The following CDHR3 variants were observed in gnomAD, a reference collection of about 807,000 sequenced individuals.
CDHR3 encodes the protein cadherin-related family member 3.
A neutral mutation model predicts 86.6 loss-of-function variants in CDHR3; 79 were observed. The observed-to-expected ratio is 0.91, with a 90% CI of 0.76 to 1.10. The LOEUF (loss-of-function observed/expected upper bound fraction) is 1.10, where lower values mean the gene tolerates loss of function less well. Ranked by LOEUF, CDHR3 falls within the 50% of genes least tolerant of loss-of-function variation. The pLI is 0.00. For missense variants in CDHR3, 1,081 were observed against 1,077.6 expected, an observed-to-expected ratio of 1.00 and a Z score of -0.04; for synonymous variants, 421 against 402.4, an observed-to-expected ratio of 1.05 and a Z score of -0.55.
intron 2 of CDHR3, among the ~76,000 whole-genome samples, chr7:105,978,032 T>A (rs958058903): frequency 2.6e-5 from 4 of 152,172 alleles, no homozygotes; most frequent in Non-Finnish European, 5.9e-5. Context: ...GTACTGTTGC[T>A]TGCACACTGA....
chr7:105,983,177 T>C (rs1012247883), intron 3 of CDHR3, among the ~76,000 whole-genome samples: 1 of 152,164 alleles, frequency 6.6e-6, no homozygotes. Context: ...GAAACGGAAG[T>C]TGCATGAGAG....
At chr7:105,975,206 T>C (rs1305505886) in intron 2 of CDHR3, among the ~76,000 whole-genome samples, 160 bp downstream of exon 2, 1 of 152,192 alleles carries the variant, frequency 6.6e-6, no homozygotes, top group Non-Finnish European at 1.5e-5. Flanking sequence ...GGGCCTTCTG[T>C]GCTAAGATGC....
chr7:105,999,546 T>C (rs10265925), intron 6 of CDHR3, among the ~76,000 whole-genome samples: 1,975 of 152,270 alleles, frequency 0.013, 34 homozygotes, highest in African/African-American at 0.046. Context: ...CTGTCTCCCC[T>C]AGTTGTGAAA....
intron 16 of CDHR3, among the ~76,000 whole-genome samples, chr7:106,027,219 A>AC (rs1320471076): frequency 1.3e-5 from 2 of 151,542 alleles, no homozygotes; most frequent in Non-Finnish European, 2.9e-5. Flanking sequence ...GCATGGTGAA[A>AC]CCCCCGTCTC....
At chr7:106,011,814 G>A (rs1324580182) in intron 8 of CDHR3, among the ~76,000 whole-genome samples, 1 of 152,320 alleles carries the variant, frequency 6.6e-6, no homozygotes, top group East Asian at 1.9e-4. Flanking sequence ...CTCTGAGTTT[G>A]GGGGTAGCTT....
At position 105,996,267 on chromosome 7, in the gene CDHR3, A is replaced by G; in HGVS notation, c.626A>G (p.Glu209Gly). 6.3e-7 allele frequency: 1 copy of G among 1,587,454 alleles called. No homozygotes were observed. Among genetic ancestry groups the G allele is most frequent in the Non-Finnish European group, 8.6e-7 (1 of 1,157,702 alleles). ...AGHRSFHLIV[E>G]VRDSGGLKAS... is the part of the protein sequence containing the mutation. ...CCTGGCAGTTTCCATCTCATCGTGG[A>G]GGTGAGGGACAGTGGAGGCCTCAAA... The change falls in exon 6 of 19, where the codon GAG (glutamate) becomes GGG (glycine). Residue 209 changes from glutamate to glycine, a missense_variant. Glu to Gly is a moderately conservative substitution (Grantham distance 98, BLOSUM62 -2). Coordinates refer to ENST00000317716, the MANE Select transcript of CDHR3 (RefSeq NM_152750.5).
intron 6 of CDHR3, among the ~76,000 whole-genome samples, chr7:105,998,612 T>G (rs564421538): frequency 2.6e-4 from 39 of 152,228 alleles, no homozygotes; most frequent in African/African-American, 9.4e-4. Flanking sequence ...ACCAACATGG[T>G]GAAACCCTGT....
At chr7:106,028,920 CT>C (rs1554532656) in intron 17 of CDHR3, among the ~76,000 whole-genome samples, 2 of 60,700 alleles carry the variant, frequency 3.3e-5, no homozygotes, top group South Asian at 1.3e-3. Context: ...TTTAAATTTT[CT>C]TTCTTTCTTT....
intron 7 of CDHR3, among the ~76,000 whole-genome samples, chr7:106,003,471 T>C (rs1163221901): frequency 6.6e-6 from 1 of 152,192 alleles, no homozygotes; most frequent in Non-Finnish European, 1.5e-5. Context: ...GTACTCAAGA[T>C]AGCAACTCAA....
In CDHR3 at chr7:106,016,037, A is replaced by ATC. The variant is rs1310049649; in HGVS notation, c.1426+13_1426+14insCT. 6.4e-7 allele frequency: 1 copy of ATC among 1,567,658 alleles called. No homozygotes were observed. Among genetic ancestry groups the ATC allele is most frequent in the Admixed American group, 1.7e-5 (1 of 58,466 alleles). ...AGAAAGAAGGCCCGGTAAGTAACAGATAAGACACAGACCAGAGTGCTGTCA... is the reference window on the plus strand; with the variant it reads ...AGAAAGAAGGCCCGGTAAGTAACAGATCTAAGACACAGACCAGAGTGCTGTCA... On this transcript the variant is annotated intron_variant, in intron 11 of 18. Coordinates refer to ENST00000317716, the MANE Select transcript of CDHR3 (RefSeq NM_152750.5).
chr7:106,032,910 T>TG lies in CDHR3; in HGVS notation c.*213_*214insG. On this transcript the variant is annotated 3_prime_UTR_variant, in exon 19 of 19. Coordinates refer to ENST00000317716, the MANE Select transcript of CDHR3 (RefSeq NM_152750.5). ...TCTGAAATGATACAGGAACATTTTC[T>TG]ATCAGATTTCAGAACTACCTGTGCT... The TG allele has an allele frequency of 1.8e-6, 1 of 547,828 alleles. No homozygotes were observed. The highest frequency in any genetic ancestry group is 3.2e-6 in the Non-Finnish European group (1 of 311,600). 33.9% of individuals were successfully genotyped at this position (547,828 alleles called of 1,614,324 possible).
chr7:106,013,133 C>G, intron 9 of CDHR3, 102 bp downstream of exon 9: 1 of 1,058,282 alleles, frequency 9.4e-7, no homozygotes, highest in Non-Finnish European at 1.3e-6. Context: ...AGGTAACCCC[C>G]TCTCAGAGCG....
At position 106,024,369 on chromosome 7, in the gene CDHR3, C is replaced by T. The variant is rs1837035852; in HGVS notation, c.2077-12C>T. ...ACCCTCTACTCACCCTCCCTGCTCT[C>T]TGTTGTTCAAGCCCAGGGTCACCTA... On this transcript the variant is annotated splice_polypyrimidine_tract_variant and intron_variant, in intron 14 of 18. Coordinates refer to ENST00000317716, the MANE Select transcript of CDHR3 (RefSeq NM_152750.5). The T allele has an allele frequency of 1.9e-6, 3 of 1,613,270 alleles. No homozygotes were observed. The South Asian group carries it at 3.3e-5, about 18-fold the overall frequency.
Position 106,012,477 on chromosome 7 carries a change from A to G in CDHR3, c.1053-383A>G, listed in dbSNP as rs566225396. 1.8e-3 allele frequency among the ~76,000 whole-genome samples: 276 copies of G among 152,254 alleles called. 1 individual carries two copies. Among genetic ancestry groups the G allele is most frequent in the Non-Finnish European group, 3.5e-3 (241 of 68,012 alleles). On this transcript the variant is annotated intron_variant, in intron 8 of 18. Coordinates refer to ENST00000317716, the MANE Select transcript of CDHR3 (RefSeq NM_152750.5). The stretch of plus-strand genomic sequence containing the variant: ...CATGAAGAGCTCAGGGAGCACCAGA[A>G]GGCCAGAGTGGCAGGAGGAGAGTGA...
intron 8 of CDHR3, 31 bp downstream of exon 8, chr7:106,004,718 T>G: frequency 6.2e-7 from 1 of 1,609,390 alleles, no homozygotes; most frequent in Non-Finnish European, 8.5e-7. Context: ...GGGCTGGACA[T>G]TCTATCTCTT....
rs767624442 is a variant in CDHR3 at position 106,015,110 on chromosome 7, G to A, written c.1225-1G>A. On this transcript the variant is annotated splice_acceptor_variant, in intron 9 of 18. Coordinates refer to ENST00000317716, the MANE Select transcript of CDHR3 (RefSeq NM_152750.5). LOFTEE classifies it high-confidence loss of function. Reference sequence around the variant, plus strand: ...AATCTACTATCTCTGTTTTAATCTAGCTGATTGGTGATCTAGACTACGAAA... The same window carrying A: ...AATCTACTATCTCTGTTTTAATCTAACTGATTGGTGATCTAGACTACGAAA... The A allele has an allele frequency of 2.4e-5, 38 of 1,598,762 alleles. 1 individual carries two copies. Among genetic ancestry groups the A allele is most frequent in the Middle Eastern group, 1.6e-4 (1 of 6,070 alleles).
Position 106,012,895 on chromosome 7 carries a change from T to C in CDHR3, c.1088T>C (p.Leu363Ser). The C allele has an allele frequency of 6.2e-7, 1 of 1,612,168 alleles. No individual in the cohort carries two copies. The highest frequency in any genetic ancestry group is 1.3e-5 in the African/African-American group (1 of 74,940). ...CCGGAAAGAACAGCCAAGGGGACGT[T>C]GCTTCTTGACCTAAACAAGTTCTGC... is the stretch of plus-strand genomic sequence containing the variant. ...MVPERTAKGTLLLDLNKFCFD... is the reference protein window; with the variant it reads ...MVPERTAKGTSLLDLNKFCFD... The change falls in exon 9 of 19, where the codon TTG becomes TCG. Residue 363 changes from leucine to serine, a missense_variant. Coordinates refer to ENST00000317716, the MANE Select transcript of CDHR3 (RefSeq NM_152750.5).
intron 11 of CDHR3, 112 bp downstream of exon 11, chr7:106,016,137 G>A: frequency 1.5e-6 from 1 of 651,748 alleles, no homozygotes. Context: ...GTTTTGCACA[G>A]TGATTCACAG....
At position 105,963,280 on chromosome 7, in the gene CDHR3, C is replaced by T; in HGVS notation, c.-39C>T. 1 of 1,608,638 alleles carries T rather than the reference C, an allele frequency of 6.2e-7. No homozygotes were observed. Among genetic ancestry groups the T allele is most frequent in the Non-Finnish European group, 8.5e-7 (1 of 1,175,236 alleles). On this transcript the variant is annotated 5_prime_UTR_variant, in exon 1 of 19. Coordinates refer to ENST00000317716, the MANE Select transcript of CDHR3 (RefSeq NM_152750.5). The stretch of plus-strand genomic sequence containing the variant: ...GTGTGAGACGGGATTCAGGCTGTGG[C>T]TAATGTGCTGGAAGCACGCACAGTT...
Sources: gnomAD v4.1 joint callset for allele counts (sites outside exome capture counted in the v4.1 genomes callset) on GRCh38, gnomAD v4.1.1 for gene constraint, MANE v1.5 for transcripts, NCBI Gene and HGNC (gene_info 2026-07-23, HGNC 2026-07-21) for gene names.